The following C1orf35 variants were observed in gnomAD, a reference collection of about 807,000 sequenced individuals.
C1orf35 encodes multiple myeloma tumor-associated protein 2.
C1orf35 carries 36 observed loss-of-function variants against 30.9 expected under a neutral mutation model. The observed-to-expected ratio is 1.16, with a 90% confidence interval of 0.89 to 1.54. The LOEUF (loss-of-function observed/expected upper bound fraction) is 1.54, where lower values mean the gene tolerates loss of function less well. Ranked by LOEUF, C1orf35 falls within the 40% of genes most tolerant of loss-of-function variation. The pLI, the probability that C1orf35 is intolerant of heterozygous loss-of-function variation, is 0.00. For synonymous variants in C1orf35, 179 were observed against 148.2 expected (o/e 1.21, Z -1.51); for missense variants, 396 against 358.7 (o/e 1.10, Z -0.84).
Position 228,101,194 on chromosome 1 carries a change from C to T in C1orf35, c.729G>A (p.Arg243=). Residue 243 remains arginine, a synonymous_variant, in exon 8 of 8, where the codon CGG becomes CGA. Coordinates refer to ENST00000272139, the MANE Select transcript of C1orf35 (RefSeq NM_024319.4). ...GGCTCCTCCTGTCCCCACTGTGTCC[C>T]CGCTTCCTCCTCTTACAGCAGGGGG... is the stretch of plus-strand genomic sequence containing the variant. The part of the protein sequence containing the change: ...SNSPCCKRRK[R]GHSGDRRSPS... The T allele has an allele frequency of 6.2e-7, 1 of 1,614,170 alleles. No homozygotes were observed. The highest frequency in any genetic ancestry group is 1.1e-5 in the South Asian group (1 of 91,086).
intron 5 of C1orf35, 54 bp from the exon 6 acceptor site, chr1:228,102,219 C>G: frequency 6.4e-7 from 1 of 1,561,812 alleles, no homozygotes; most frequent in Non-Finnish European, 8.6e-7. Context: ...CCACACCACG[C>G]CCCGCAGCGC....
intron 6 of C1orf35, 83 bp from the exon 7 acceptor site, chr1:228,101,556 A>C: frequency 1.3e-6 from 2 of 1,573,764 alleles, no homozygotes; most frequent in Non-Finnish European, 1.7e-6. Flanking sequence ...ATCCAGATGA[A>C]GCCACCACCC....
In C1orf35 at chr1:228,103,174, C is replaced by T; in HGVS notation, c.54G>A (p.Trp18Ter). 3 of 1,612,120 alleles carry T rather than the reference C, an allele frequency of 1.9e-6. No individual in the cohort carries two copies. Among genetic ancestry groups the T allele is most frequent in the Non-Finnish European group, 1.7e-6 (2 of 1,179,560 alleles). Residue 18 changes from tryptophan to a stop codon, truncating the protein, a stop_gained, in exon 1 of 8, where the codon TGG becomes TGA. Transcript: ENST00000272139. LOFTEE classifies it high-confidence loss of function. ...GCTGCTTGTCAGTCTTCACGTCCTCCCAGTTGAACTGGTCCTGCCCGCCGC... is the reference window on the plus strand; with the variant it reads ...GCTGCTTGTCAGTCTTCACGTCCTCTCAGTTGAACTGGTCCTGCCCGCCGC... ...GVRGGQDQFN[W>*]EDVKTDKQRE...
At chr1:228,102,806 C>A in intron 2 of C1orf35, 93 bp downstream of exon 2, 1 of 1,324,234 alleles carries the variant, frequency 7.6e-7, no homozygotes, top group Non-Finnish European at 1.0e-6. Context: ...GCCCCGCTCC[C>A]GCCCAGCCCG....
At chr1:228,101,747 G>C in intron 6 of C1orf35, 1 of 1,412,394 alleles carries the variant, frequency 7.1e-7, no homozygotes, top group Non-Finnish European at 9.2e-7. Flanking sequence ...GCACCCACCA[G>C]GCCACTCTTA....
At chr1:228,102,787 G>A (rs2033008837) in intron 2 of C1orf35, 99 bp from the exon 3 acceptor site, 2 of 1,454,058 alleles carry the variant, frequency 1.4e-6, no homozygotes, top group Admixed American at 2.6e-5. Flanking sequence ...GCCCGCGCGA[G>A]TCCCCGCAGC....
rs1489404650 is a variant in C1orf35, at chr1:228,102,511, C to T, written c.341G>A (p.Gly114Asp). The change falls in exon 4 of 8, where the codon GGC becomes GAC. Residue 114 changes from glycine (G) to aspartate (D), a missense_variant. Transcript: ENST00000272139. ...KREGGDPEEK[G>D]VDRLLGLGSA... ...CCCCAGCCCCAGCAGCCGGTCCACG[C>T]CCTTCTCCTCGGGGTCGCCTCCTTC... The T allele has an allele frequency of 6.4e-7, 1 of 1,558,586 alleles. No homozygotes were observed. Among genetic ancestry groups the T allele is most frequent in the East Asian group, 2.4e-5 (1 of 41,668 alleles).
Position 228,102,355 on chromosome 1 carries a change from G to C in C1orf35, c.402C>G (p.Ser134=). 2 of 1,611,390 alleles carry C rather than the reference G, an allele frequency of 1.2e-6. No individual in the cohort carries two copies. The highest frequency in any genetic ancestry group is 1.7e-6 in the Non-Finnish European group (2 of 1,179,670). The stretch of plus-strand genomic sequence containing the variant: ...GTTTGGCGGCCTCCTTGTCCTCTCG[G>C]GACATCGCCACGCGGCCCACGGAGC... ...ASGSVGRVAM[S]REDKEAAKLG... is the part of the protein sequence containing the mutation. The change falls in exon 5 of 8, where the codon TCC becomes TCG. Residue 134 remains serine, a synonymous_variant. Transcript: ENST00000272139.
At chr1:228,101,800 G>A (rs1202125515) in intron 6 of C1orf35, 27 of 1,411,164 alleles carry the variant, frequency 1.9e-5, no homozygotes, top group Non-Finnish European at 2.5e-5. Context: ...CCCTGGAGGT[G>A]CCACCCACGG....
rs746448908 is a variant in C1orf35 at position 228,102,597 on chromosome 1, C to T, written c.292-37G>A. On this transcript the variant is annotated intron_variant, in intron 3 of 7. Transcript: ENST00000272139. The stretch of plus-strand genomic sequence containing the variant: ...AGAGCACAGGGAGCGCTCGAGTCGG[C>T]CCCACACCCACGGCCCTCCACGCGC... 6 of 1,581,802 alleles carry T rather than the reference C, an allele frequency of 3.8e-6. No homozygotes were observed. The South Asian group carries it at 4.6e-5, about 12-fold the overall frequency.
Position 228,103,121 on chromosome 1 carries a change from C to G in C1orf35, c.94+13G>C, listed in dbSNP as rs760183339. The G allele has an allele frequency of 3.1e-6, 5 of 1,609,884 alleles. No homozygotes were observed. Among genetic ancestry groups the G allele is most frequent in the Non-Finnish European group, 4.2e-6 (5 of 1,178,882 alleles). ...AGCCCGGAGCCCGGAGCCCGCCCAC[C>G]GCGCGCACCCACCCAGGTAGTTCTC... On this transcript the variant is annotated intron_variant, in intron 1 of 7. Coordinates refer to ENST00000272139, the MANE Select transcript of C1orf35 (RefSeq NM_024319.4).
Position 228,101,483 on chromosome 1 carries a change from G to A in C1orf35, c.534-10C>T. ...CCTGTGGCTCTCACAACTACAAGGAGGATACAAGGTGTGCCTCAGACCCTA... is the reference window on the plus strand; with the variant it reads ...CCTGTGGCTCTCACAACTACAAGGAAGATACAAGGTGTGCCTCAGACCCTA... On this transcript the variant is annotated splice_polypyrimidine_tract_variant and intron_variant, in intron 6 of 7. Coordinates refer to ENST00000272139, the MANE Select transcript of C1orf35 (RefSeq NM_024319.4). The A allele has an allele frequency of 2.5e-6, 4 of 1,611,018 alleles. No homozygotes were observed. The highest frequency in any genetic ancestry group is 2.2e-5 in the South Asian group (2 of 91,080).
rs762635425 is a variant in C1orf35 at position 228,103,180 on chromosome 1, G to GAACT, written c.44_47dup (p.Phe16LeufsTer10). On this transcript the variant is annotated frameshift_variant, in exon 1 of 8. Transcript: ENST00000272139. LOFTEE classifies it high-confidence loss of function. ...TGTCAGTCTTCACGTCCTCCCAGTTGAACTGGTCCTGCCCGCCGCGCACGC... is the reference window on the plus strand; with the variant it reads ...TGTCAGTCTTCACGTCCTCCCAGTTGAACTAACTGGTCCTGCCCGCCGCGCACGC... 1.9e-6 allele frequency: 3 copies of GAACT among 1,611,998 alleles called. No homozygotes were observed. In the South Asian group the frequency reaches 3.3e-5, roughly 18 times the overall value.
Position 228,101,809 on chromosome 1 carries a change from G to A in C1orf35, c.533+271C>T, listed in dbSNP as rs1216952005. 4 of 1,411,794 alleles carry A rather than the reference G, an allele frequency of 2.8e-6. No individual in the cohort carries two copies. The Admixed American group carries it at 9.1e-5, about 32-fold the overall frequency. 87.5% of individuals were successfully genotyped at this position (1,411,794 alleles called of 1,614,324 possible). A position where few individuals can be genotyped will look rare whatever the true frequency, so the allele number is the denominator to read the frequency against. ...GAGAAGCCCTGGAGGTGCCACCCACGGCAGGAAAAGGCCCCGCCCCAGGTC... is the reference window on the plus strand; with the variant it reads ...GAGAAGCCCTGGAGGTGCCACCCACAGCAGGAAAAGGCCCCGCCCCAGGTC... On this transcript the variant is annotated intron_variant, in intron 6 of 7. Coordinates refer to ENST00000272139, the MANE Select transcript of C1orf35 (RefSeq NM_024319.4).
intron 5 of C1orf35, 46 bp downstream of exon 5, chr1:228,102,264 C>A (rs746911412): frequency 4.4e-6 from 7 of 1,598,862 alleles, no homozygotes; most frequent in Non-Finnish European, 6.0e-6. Flanking sequence ...CCGCCCCGCC[C>A]CACCCCTGTT....
In C1orf35 at chr1:228,101,195, C is replaced by G. The variant is rs79502515; in HGVS notation, c.728G>C (p.Arg243Pro). Reference sequence around the variant, plus strand: ...GCTCCTCCTGTCCCCACTGTGTCCCCGCTTCCTCCTCTTACAGCAGGGGGA... The same window carrying G: ...GCTCCTCCTGTCCCCACTGTGTCCCGGCTTCCTCCTCTTACAGCAGGGGGA... ...SNSPCCKRRKRGHSGDRRSPS... is the reference protein window; with the variant it reads ...SNSPCCKRRKPGHSGDRRSPS... The change falls in exon 8 of 8, where the codon CGG becomes CCG. Residue 243 changes from arginine to proline, a missense_variant. Physicochemically the swap from Arg to Pro is moderately radical, Grantham distance 103. Coordinates refer to ENST00000272139, the MANE Select transcript of C1orf35 (RefSeq NM_024319.4). The G allele has an allele frequency of 4.3e-6, 7 of 1,614,058 alleles. No homozygotes were observed. The African/African-American group carries it at 9.3e-5, about 22-fold the overall frequency.
chr1:228,102,411 C>T, intron 4 of C1orf35, 29 bp from the exon 5 acceptor site: 1 of 1,600,006 alleles, frequency 6.2e-7, no homozygotes, highest in Non-Finnish European at 8.5e-7. Flanking sequence ...GAAGACAGTA[C>T]GGCAGGGGTC....
At position 228,102,097 on chromosome 1, in the gene C1orf35, C is replaced by T. The variant is rs2032982775; in HGVS notation, c.516G>A (p.Glu172=). Residue 172 remains glutamate (E), a synonymous_variant, in exon 6 of 8, where the codon GAG becomes GAA. Coordinates refer to ENST00000272139, the MANE Select transcript of C1orf35 (RefSeq NM_024319.4). ...AASARRKPRA[E]DQTESSCESH... Reference sequence around the variant, plus strand: ...AGCCTCACCTGCTTTCCGTCTGATCCTCCGCCCGCGGCTTCCTCCTGGCCG... The same window carrying T: ...AGCCTCACCTGCTTTCCGTCTGATCTTCCGCCCGCGGCTTCCTCCTGGCCG... 1 of 1,581,964 alleles carries T rather than the reference C, an allele frequency of 6.3e-7. No individual in the cohort carries two copies. Among genetic ancestry groups the T allele is most frequent in the African/African-American group, 1.3e-5 (1 of 74,530 alleles).
Position 228,103,221 on chromosome 1 carries a change from C to T in C1orf35, c.7G>A (p.Gly3Ser), listed in dbSNP as rs771788367. 5.0e-6 allele frequency: 8 copies of T among 1,609,796 alleles called. No homozygotes were observed. The highest frequency in any genetic ancestry group is 3.3e-5 in the South Asian group (3 of 90,520). The change falls in exon 1 of 8, where the codon GGC (glycine) becomes AGC (serine). Residue 3 changes from glycine (G) to serine (S), a missense_variant. Physicochemically the swap from Gly to Ser is moderately conservative, Grantham distance 56 (BLOSUM62 0). Coordinates refer to ENST00000272139, the MANE Select transcript of C1orf35 (RefSeq NM_024319.4). Reference protein sequence around the residue: MFGSSRGGVRGGQ... With the variant: MFSSSRGGVRGGQ... ...CCGCGCACGCCTCCACGACTGGAGC[C>T]GAACATGGCGCCGGGAAGGCAGTTG... is the stretch of plus-strand genomic sequence containing the variant.
Sources: gnomAD v4.1 joint callset for allele counts on GRCh38, gnomAD v4.1.1 for gene constraint, MANE v1.5 for transcripts, NCBI Gene and HGNC (gene_info 2026-07-23, HGNC 2026-07-21) for gene names.